The following MYO19 variants were observed in gnomAD, a reference collection of about 807,000 sequenced individuals.
The protein encoded by MYO19 is myosin XIX, also known as unconventional myosin-XIX.
In MYO19, 132 loss-of-function variants were observed where a neutral mutation model predicts 129.2. That is an observed-to-expected ratio of 1.02 (90% CI 0.89 to 1.18). The LOEUF is 1.18. MYO19 is among the 50% of genes most tolerant of loss of function. MYO19 has a pLI of 0.00. For synonymous variants in MYO19, 531 were observed against 477.2 expected (o/e 1.11, Z -1.47); for missense variants, 1,210 against 1,216.7 (o/e 0.99, Z 0.08).
intron 21 of MYO19, 84 bp from the exon 22 acceptor site, chr17:36,501,319 G>T: frequency 7.2e-7 from 1 of 1,393,752 alleles, no homozygotes; most frequent in Non-Finnish European, 9.8e-7. Flanking sequence ...GGCCTCCCTA[G>T]CACTCTACAG....
chr17:36,542,994 G>GT (rs1350715579), intron 1 of MYO19: 1 of 151,710 alleles, frequency 6.6e-6, no homozygotes, highest in Non-Finnish European at 1.5e-5. Flanking sequence ...GGGATTACAG[G>GT]TGTTAGCCGC....
In MYO19 at chr17:36,500,965, A is replaced by G. The variant is rs763545438; in HGVS notation, c.2248-6T>C. The G allele has an allele frequency of 6.2e-7, 1 of 1,610,430 alleles. No homozygotes were observed. Among genetic ancestry groups the G allele is most frequent in the East Asian group, 2.2e-5 (1 of 44,772 alleles). Reference sequence around the variant, plus strand: ...CCACATTCCAGAAGCTCCAGCTGGGAGAAAAGGCATCCATTGAGGGCAGCC... The same window carrying G: ...CCACATTCCAGAAGCTCCAGCTGGGGGAAAAGGCATCCATTGAGGGCAGCC... On this transcript the variant is annotated splice_polypyrimidine_tract_variant and splice_region_variant and intron_variant, in intron 22 of 25. Transcript: ENST00000614623.
At chr17:36,500,543 A>G in intron 23 of MYO19, 1 of 399,576 alleles carries the variant, frequency 2.5e-6, no homozygotes, top group Non-Finnish European at 4.5e-6. Flanking sequence ...AAGTTGGCCT[A>G]AACAGCTGTC....
chr17:36,527,024 G>A (rs1249799822), intron 5 of MYO19, among the ~76,000 whole-genome samples: 1 of 152,058 alleles, frequency 6.6e-6, no homozygotes, highest in Non-Finnish European at 1.5e-5. Flanking sequence ...AAATTAGCCA[G>A]GTGTGGTGGC....
chr17:36,504,804 T>C (rs2071763156), intron 19 of MYO19: 1 of 208,282 alleles, frequency 4.8e-6, no homozygotes, highest in African/African-American at 2.3e-5. Context: ...TTCCAGCTAT[T>C]TGGGAGACTG....
chr17:36,527,479 C>T (rs553671694), intron 5 of MYO19, 72 bp downstream of exon 5: 41 of 1,513,548 alleles, frequency 2.7e-5, no homozygotes, highest in African/African-American at 6.9e-5. Context: ...TGAATAAGGA[C>T]AGGGGTAACT....
intron 23 of MYO19, 167 bp downstream of exon 23, chr17:36,500,663 G>T: frequency 1.0e-6 from 1 of 963,544 alleles, no homozygotes; most frequent in Non-Finnish European, 1.5e-6. Context: ...CTGGAGAGAC[G>T]TTATGAGTGA....
At chr17:36,523,583 A>G (rs970110187) in intron 6 of MYO19, among the ~76,000 whole-genome samples, 1 of 152,200 alleles carries the variant, frequency 6.6e-6, no homozygotes, top group Non-Finnish European at 1.5e-5. Flanking sequence ...AAACAGGGAA[A>G]ACAGAGGGAA....
At chr17:36,511,213 G>A (rs1231020304) in intron 12 of MYO19, 152 bp downstream of exon 12, 4 of 782,986 alleles carry the variant, frequency 5.1e-6, no homozygotes, top group African/African-American at 1.7e-5. Flanking sequence ...CAGACAGGGT[G>A]AGGAGTAAAT....
chr17:36,539,494 C>G (rs2074184341), upstream of MYO19, among the ~76,000 whole-genome samples: 1 of 151,778 alleles, frequency 6.6e-6, no homozygotes, highest in Non-Finnish European at 1.5e-5. Flanking sequence ...AGATGGAAGG[C>G]TGGGCATGGT....
At chr17:36,537,675 G>C, upstream of MYO19, 1 of 1,614,098 alleles carries the variant, frequency 6.2e-7, no homozygotes, top group Non-Finnish European at 8.5e-7. Context: ...AAAATATATG[G>C]AAGGGTCCAA....
chr17:36,536,889 T>C (rs1284466356), upstream of MYO19, among the ~76,000 whole-genome samples: 1 of 152,202 alleles, frequency 6.6e-6, no homozygotes, highest in Non-Finnish European at 1.5e-5. Context: ...TTTAATATTA[T>C]TAGTATGACA....
In MYO19 at chr17:36,512,937, G is replaced by A. The variant is rs2072467667; in HGVS notation, c.894+492C>T. On this transcript the variant is annotated intron_variant, in intron 11 of 25. Coordinates refer to ENST00000614623, the MANE Select transcript of MYO19 (RefSeq NM_001163735.2). The stretch of plus-strand genomic sequence containing the variant: ...GGTTGGGGGAAGACAGAGAGGGTAG[G>A]AACTTGGAATTACTATGTCTGGTAC... The A allele has an allele frequency of 8.3e-6, 7 of 840,140 alleles. No homozygotes were observed. The Admixed American group carries it at 2.7e-4, about 33-fold the overall frequency. 52.0% of individuals were successfully genotyped at this position (840,140 alleles called of 1,614,324 possible). A position where few individuals can be genotyped will look rare whatever the true frequency, so the allele number is the denominator to read the frequency against.
chr17:36,528,312 T>A, intron 3 of MYO19, 110 bp from the exon 4 acceptor site: 1 of 1,206,198 alleles, frequency 8.3e-7, no homozygotes, highest in Non-Finnish European at 1.1e-6. Flanking sequence ...ATCGAGACCA[T>A]CCTGGTTAAC....
At position 36,513,510 on chromosome 17, in the gene MYO19, A is replaced by G. The variant is rs2072515659; in HGVS notation, c.818-5T>C. 2 of 1,613,958 alleles carry G rather than the reference A, an allele frequency of 1.2e-6. No individual in the cohort carries two copies. The highest frequency in any genetic ancestry group is 1.7e-6 in the Non-Finnish European group (2 of 1,179,860). The stretch of plus-strand genomic sequence containing the variant: ...TGGTCACCTCAAAACAATCCTCTGA[A>G]AAAGAATCCAAGTTCGGGGCAGAGG... On this transcript the variant is annotated splice_region_variant and splice_polypyrimidine_tract_variant and intron_variant, in intron 10 of 25. Coordinates refer to ENST00000614623, the MANE Select transcript of MYO19 (RefSeq NM_001163735.2).
chr17:36,525,559 G>A (rs1431185331), intron 5 of MYO19, among the ~76,000 whole-genome samples: 1 of 152,150 alleles, frequency 6.6e-6, no homozygotes, highest in African/African-American at 2.4e-5. Flanking sequence ...GGCTAGCCTT[G>A]ACCAGTTTAT....
Position 36,496,226 on chromosome 17 carries a change from C to T in MYO19, c.*25G>A. The T allele has an allele frequency of 6.2e-7, 1 of 1,612,704 alleles. No homozygotes were observed. The highest frequency in any genetic ancestry group is 8.5e-7 in the Non-Finnish European group (1 of 1,179,034). On this transcript the variant is annotated 3_prime_UTR_variant, in exon 26 of 26. Transcript: ENST00000614623. ...GGCAAGGCAGGGGGCAGGAAAAGGC[C>T]TTGTGGAAACAAAGGCACCAAGGAT... is the stretch of plus-strand genomic sequence containing the variant.
upstream of MYO19, chr17:36,537,754 C>A: frequency 3.1e-6 from 5 of 1,614,112 alleles, no homozygotes; most frequent in Non-Finnish European, 4.2e-6. Context: ...GGACGATTAG[C>A]CATTATAAAA....
rs1253026239 is a variant in MYO19 at position 36,499,676 on chromosome 17, T to G, written c.2378-516A>C. On this transcript the variant is annotated intron_variant, in intron 23 of 25. Transcript: ENST00000614623. ...TTTCTTTTTGTTTCTTTTTTTTTTT[T>G]TTTTTTTTTTTTTTTTTGAGACAGG... is the stretch of plus-strand genomic sequence containing the variant. 35 of 127,954 alleles carry G rather than the reference T, an allele frequency of 2.7e-4. 1 individual carries two copies. The highest frequency in any genetic ancestry group is 1.0e-3 in the African/African-American group (33 of 33,126). The allele number at this position is 127,954 out of a possible 1,614,324, so 7.9% of individuals were successfully genotyped here.
Sources: allele counts gnomAD v4.1 joint callset (sites outside exome capture counted in the v4.1 genomes callset), GRCh38; gene constraint gnomAD v4.1.1; transcripts MANE v1.5; gene names NCBI Gene and HGNC (gene_info 2026-07-23, HGNC 2026-07-21).